Variants in SNTG2 observed in about 807,000 individuals in gnomAD.
SNTG2 encodes the protein syntrophin gamma 2.
In SNTG2, 74 loss-of-function variants were observed where a neutral mutation model predicts 70.9. That is an observed-to-expected ratio of 1.04 (90% confidence interval 0.86 to 1.27). The LOEUF (loss-of-function observed/expected upper bound fraction) is 1.27. Among genes scored for constraint, SNTG2 ranks in the 50% most tolerant of loss-of-function variants. The pLI is 0.00. For missense variants in SNTG2, 717 were observed against 690.7 expected, an observed-to-expected ratio of 1.04 and a Z score of -0.43; for synonymous variants, 278 against 273.8, an observed-to-expected ratio of 1.02 and a Z score of -0.15.
Position 1,221,831 on chromosome 2 carries a change from G to GTCTCTGTCTCTC in SNTG2, c.719+12606_719+12607insGTCTCTCTCTCT, listed in dbSNP as rs1674959214. Among the ~76,000 whole-genome samples, 3 of 15,312 alleles carry GTCTCTGTCTCTC rather than the reference G, an allele frequency of 2.0e-4. 1 individual carries two copies. 10.0% of individuals were successfully genotyped at this position (15,312 alleles called of 152,430 possible). A position where few individuals can be genotyped will look rare whatever the true frequency, so the allele number is the denominator to read the frequency against. On this transcript the variant is annotated intron_variant, in intron 9 of 16. Coordinates refer to ENST00000308624, the MANE Select transcript of SNTG2 (RefSeq NM_018968.4). Reference sequence around the variant, plus strand: ...TCTCTCTCGGTCTCTGTCTCTCTCTGTCTCTCTCTGTCTCTGTCTCTGTCT... The same window carrying GTCTCTGTCTCTC: ...TCTCTCTCGGTCTCTGTCTCTCTCTGTCTCTGTCTCTCTCTCTCTCTGTCTCTGTCTCTGTCT...
At chr2:964,259 G>A (rs990839327) in intron 1 of SNTG2, among the ~76,000 whole-genome samples, 2 of 152,180 alleles carry the variant, frequency 1.3e-5, no homozygotes, top group African/African-American at 2.4e-5. Context: ...TAGTTGTGTG[G>A]AAAGTTTGTT....
chr2:954,649 T>C (rs1660084125), intron 1 of SNTG2, among the ~76,000 whole-genome samples: 1 of 152,186 alleles, frequency 6.6e-6, no homozygotes, highest in Admixed American at 6.5e-5. Context: ...ATTTCTGTAT[T>C]AAATGCTAAG....
intron 1 of SNTG2, among the ~76,000 whole-genome samples, chr2:1,049,271 T>C (rs1032489886): frequency 2.6e-5 from 4 of 152,232 alleles, no homozygotes; most frequent in Non-Finnish European, 5.9e-5. Context: ...TATAGTTTCA[T>C]ACAGAGTCAC....
At chr2:1,152,616 A>G (rs1191862437) in intron 6 of SNTG2, among the ~76,000 whole-genome samples, 1 of 146,810 alleles carries the variant, frequency 6.8e-6, no homozygotes, top group Admixed American at 6.7e-5. Context: ...ATGTGTGCAC[A>G]TGTATGCATC....
chr2:1,258,952 G>A (rs916009370), intron 12 of SNTG2, among the ~76,000 whole-genome samples: 1 of 152,112 alleles, frequency 6.6e-6, no homozygotes, highest in Non-Finnish European at 1.5e-5. Context: ...GTCCATTTTT[G>A]TACTCCAGTA....
intron 16 of SNTG2, among the ~76,000 whole-genome samples, chr2:1,334,335 C>CA (rs1572996098): frequency 6.6e-6 from 1 of 152,258 alleles, no homozygotes; most frequent in Admixed American, 6.5e-5. Flanking sequence ...AACACTTTTA[C>CA]CTGCTGGTGG....
chr2:1,063,033 A>T (rs1662925952), intron 1 of SNTG2, among the ~76,000 whole-genome samples: 1 of 152,218 alleles, frequency 6.6e-6, no homozygotes, highest in Admixed American at 6.5e-5. Context: ...AACTGTAAAA[A>T]ACTTAATTGT....
chr2:1,251,635 CCA>C (rs1224992063), intron 12 of SNTG2, among the ~76,000 whole-genome samples: 1 of 148,400 alleles, frequency 6.7e-6, no homozygotes, highest in East Asian at 2.0e-4. Context: ...CGCACACACA[CCA>C]CACAAACCCC....
At chr2:1,207,382 A>C (rs2147986311) in intron 8 of SNTG2, among the ~76,000 whole-genome samples, 1 of 149,786 alleles carries the variant, frequency 6.7e-6, no homozygotes. Flanking sequence ...AAACAATGTT[A>C]GGATGATAAC....
At chr2:1,024,731 G>C (rs993210676) in intron 1 of SNTG2, among the ~76,000 whole-genome samples, 1 of 152,108 alleles carries the variant, frequency 6.6e-6, no homozygotes, top group African/African-American at 2.4e-5. Flanking sequence ...ATGAAAAGAT[G>C]AGAATTAATA....
rs755418773 is a variant in SNTG2, at chr2:1,098,344, G to A, written c.268-9G>A. On this transcript the variant is annotated splice_polypyrimidine_tract_variant and intron_variant, in intron 3 of 16. Coordinates refer to ENST00000308624, the MANE Select transcript of SNTG2 (RefSeq NM_018968.4). ...AACCACGTTTCTTTCTGATGGCTTT[G>A]TCTTTCAGGGAGGTTCTGAGCACAA... is the stretch of plus-strand genomic sequence containing the variant. The A allele has an allele frequency of 5.0e-6, 8 of 1,613,970 alleles. No individual in the cohort carries two copies. The South Asian group carries it at 8.8e-5, about 18-fold the overall frequency.
At position 1,052,208 on chromosome 2, in the gene SNTG2, G is replaced by C. The variant is rs538304234; in HGVS notation, c.73-31310G>C. Among the ~76,000 whole-genome samples, 10 of 152,116 alleles carry C rather than the reference G, an allele frequency of 6.6e-5. No homozygotes were observed. In the East Asian group the frequency reaches 1.7e-3, roughly 26 times the overall value. On this transcript the variant is annotated intron_variant, in intron 1 of 16. Transcript: ENST00000308624. ...GTGGAAAAGTTTGTATAGTATCCATGTTATTTATGAAATATTTAGAGGAAT... is the reference window on the plus strand; with the variant it reads ...GTGGAAAAGTTTGTATAGTATCCATCTTATTTATGAAATATTTAGAGGAAT...
At chr2:1,250,848 C>T (rs976031638) in intron 12 of SNTG2, among the ~76,000 whole-genome samples, 2 of 152,222 alleles carry the variant, frequency 1.3e-5, no homozygotes, top group African/African-American at 4.8e-5. Flanking sequence ...GAAACTGTGC[C>T]TTATCTTGTA....
intron 14 of SNTG2, among the ~76,000 whole-genome samples, chr2:1,299,632 A>T (rs1680364274): frequency 6.6e-6 from 1 of 152,242 alleles, no homozygotes; most frequent in African/African-American, 2.4e-5. Flanking sequence ...CTAAGACTCC[A>T]GCATGACTTT....
intron 16 of SNTG2, among the ~76,000 whole-genome samples, chr2:1,318,047 C>CA (rs1217481850): frequency 6.6e-6 from 1 of 152,166 alleles, no homozygotes; most frequent in East Asian, 1.9e-4. Context: ...ATATGGAGAA[C>CA]AAACTTCTTT....
At chr2:1,145,249 G>A (rs1302930330) in intron 6 of SNTG2, among the ~76,000 whole-genome samples, 3 of 151,164 alleles carry the variant, frequency 2.0e-5, no homozygotes, top group Non-Finnish European at 4.4e-5. Flanking sequence ...ATGAAAATTA[G>A]AGAAGAAATC....
chr2:1,094,229 T>C (rs1419377275), intron 2 of SNTG2, among the ~76,000 whole-genome samples: 1 of 74,592 alleles, frequency 1.3e-5, no homozygotes. Context: ...ATGGTAGAGT[T>C]ACTGGCAAGG....
chr2:1,004,314 A>C (rs1659499979), intron 1 of SNTG2, among the ~76,000 whole-genome samples: 1 of 152,236 alleles, frequency 6.6e-6, no homozygotes, highest in Non-Finnish European at 1.5e-5. Context: ...ACAATCCATG[A>C]AAGAAATAAC....
At chr2:1,127,618 A>G (rs1242388072) in intron 4 of SNTG2, among the ~76,000 whole-genome samples, 1 of 151,694 alleles carries the variant, frequency 6.6e-6, no homozygotes, top group African/African-American at 2.4e-5. Flanking sequence ...GTCATCATCA[A>G]TTTTTTCTAT....
Sources: gnomAD v4.1 joint callset for allele counts (sites outside exome capture counted in the v4.1 genomes callset) on GRCh38, gnomAD v4.1.1 for gene constraint, MANE v1.5 for transcripts, NCBI Gene and HGNC (gene_info 2026-07-23, HGNC 2026-07-21) for gene names.